Variants in RAB3IL1 observed in about 807,000 individuals in gnomAD.
The protein encoded by RAB3IL1 is RAB3A interacting protein like 1, also known as guanine nucleotide exchange factor for Rab-3A.
RAB3IL1 carries 37 observed loss-of-function variants against 49.2 expected under a neutral mutation model. That is an observed-to-expected ratio of 0.75 (90% CI 0.58 to 0.99). RAB3IL1 has a LOEUF of 0.99. Ranked by LOEUF, RAB3IL1 falls within the 50% of genes least tolerant of loss-of-function variation. The probability of loss-of-function intolerance (pLI) is 0.00; values close to 1 mark genes in which losing one functional copy is unlikely to be tolerated. For synonymous variants in RAB3IL1, 193 were observed against 213.9 expected (o/e 0.90, Z 0.85); for missense variants, 484 against 513.0 (o/e 0.94, Z 0.55).
chr11:61,933,092 A>T, the RAB3IL1 span, among the ~76,000 whole-genome samples: 11 of 152,280 alleles, frequency 7.2e-5, no homozygotes, highest in East Asian at 2.1e-3. Context: ...TTATTGCTGT[A>T]TAATATTCCA....
At chr11:61,911,812 T>C (rs1468824241) in intron 1 of RAB3IL1, among the ~76,000 whole-genome samples, 6 of 152,048 alleles carry the variant, frequency 3.9e-5, no homozygotes, top group African/African-American at 1.4e-4. Flanking sequence ...AGGCAGTTCA[T>C]ACAGGAAAGG....
At chr11:61,916,981 T>C (rs1261043610) in intron 1 of RAB3IL1, among the ~76,000 whole-genome samples, 6 of 138,446 alleles carry the variant, frequency 4.3e-5, no homozygotes, top group Non-Finnish European at 9.4e-5. Context: ...CAAGAGTTCA[T>C]CCAGCGAAGG....
chr11:61,904,800 A>G lies in RAB3IL1; in HGVS notation c.740T>C (p.Val247Ala). 1.2e-6 allele frequency: 2 copies of G among 1,611,228 alleles called. No homozygotes were observed. The highest frequency in any genetic ancestry group is 1.7e-6 in the Non-Finnish European group (2 of 1,179,194). The change falls in exon 6 of 10, where the codon GTG becomes GCG. Residue 247 changes from valine (V) to alanine (A), a missense_variant. By Grantham distance (64) the Val-to-Ala change is moderately conservative (BLOSUM62 0). Coordinates refer to ENST00000394836, the MANE Select transcript of RAB3IL1 (RefSeq NM_013401.4). ...LDKTCPFLER[V>A]YREDVGPCLD... The stretch of plus-strand genomic sequence containing the variant: ...GCAGGGGCCCACGTCCTCTCGGTAC[A>G]CCCTTTCCAGGAAGGGGCAGGTCTT...
At chr11:61,929,822 G>C in the RAB3IL1 span, among the ~76,000 whole-genome samples, 2 of 148,786 alleles carry the variant, frequency 1.3e-5, no homozygotes, top group African/African-American at 4.9e-5. Context: ...CTGACCTTAA[G>C]TGATCTGTCT....
At chr11:61,917,330 C>G in intron 1 of RAB3IL1, 27 bp downstream of exon 1, 1 of 1,320,176 alleles carries the variant, frequency 7.6e-7, no homozygotes, top group South Asian at 2.0e-5. Context: ...AGACCCAGCG[C>G]GGGACCGCGA....
At chr11:61,922,618 C>T (rs1281782403), upstream of RAB3IL1, among the ~76,000 whole-genome samples, 1 of 152,252 alleles carries the variant, frequency 6.6e-6, no homozygotes, top group South Asian at 2.1e-4. Flanking sequence ...TTTCCTGCCC[C>T]GTCCTCCTGC....
intron 2 of RAB3IL1, 83 bp downstream of exon 2, chr11:61,907,971 T>C: frequency 1.3e-6 from 2 of 1,523,950 alleles, no homozygotes; most frequent in Non-Finnish European, 8.8e-7. Context: ...TGGGCACATC[T>C]CTGGGCACCT....
chr11:61,919,722 C>G (rs936185145), upstream of RAB3IL1, among the ~76,000 whole-genome samples: 18 of 152,202 alleles, frequency 1.2e-4, no homozygotes, highest in Non-Finnish European at 1.9e-4. Context: ...CCCTCTATCT[C>G]CCTCTGCCTG....
At chr11:61,919,950 C>T, upstream of RAB3IL1, 1 of 880,558 alleles carries the variant, frequency 1.1e-6, no homozygotes, top group Non-Finnish European at 1.5e-6. Context: ...GAGCCATTGC[C>T]TAGGACTCTC....
chr11:61,907,371 G>C, intron 4 of RAB3IL1, 22 bp downstream of exon 4: 1 of 1,611,292 alleles, frequency 6.2e-7, no homozygotes, highest in Non-Finnish European at 8.5e-7. Flanking sequence ...GGCTGGCCTG[G>C]GCAGGCGGGG....
At chr11:61,925,969 G>A in the RAB3IL1 span, among the ~76,000 whole-genome samples, 1 of 152,064 alleles carries the variant, frequency 6.6e-6, no homozygotes, top group Non-Finnish European at 1.5e-5. Context: ...ATAAAAAATA[G>A]AAGTGAACAC....
the RAB3IL1 span, among the ~76,000 whole-genome samples, chr11:61,930,212 G>A: frequency 6.6e-6 from 1 of 152,010 alleles, no homozygotes; most frequent in Non-Finnish European, 1.5e-5. Flanking sequence ...AGACTTATAA[G>A]GTCTATGAAA....
the RAB3IL1 span, among the ~76,000 whole-genome samples, chr11:61,931,811 G>A: frequency 6.6e-6 from 1 of 152,146 alleles, no homozygotes; most frequent in Admixed American, 6.6e-5. Context: ...AAGCATGATG[G>A]TAGAAATGAA....
At chr11:61,921,280 C>G (rs1791100864), upstream of RAB3IL1, among the ~76,000 whole-genome samples, 1 of 152,194 alleles carries the variant, frequency 6.6e-6, no homozygotes. Context: ...GGCCCGGGGT[C>G]AGACGGGCTG....
upstream of RAB3IL1, among the ~76,000 whole-genome samples, chr11:61,919,230 A>G (rs937032714): frequency 2.6e-5 from 4 of 152,228 alleles, no homozygotes; most frequent in Non-Finnish European, 5.9e-5. Context: ...GCTCAGGGCT[A>G]TGTCCCTGGA....
intron 1 of RAB3IL1, among the ~76,000 whole-genome samples, chr11:61,909,435 G>A (rs990015466): frequency 6.6e-6 from 1 of 152,158 alleles, no homozygotes; most frequent in South Asian, 2.1e-4. Context: ...CACAGAAAAT[G>A]GGCCCCCAGA....
intron 7 of RAB3IL1, among the ~76,000 whole-genome samples, chr11:61,904,265 T>C (rs1939061768): frequency 2.6e-5 from 4 of 152,044 alleles, no homozygotes; most frequent in African/African-American, 2.4e-5. Flanking sequence ...TCGTTATTTA[T>C]TGGCAGGGGC....
At chr11:61,942,563 T>A in the RAB3IL1 span, among the ~76,000 whole-genome samples, 1 of 152,152 alleles carries the variant, frequency 6.6e-6, no homozygotes, top group South Asian at 2.1e-4. Flanking sequence ...CATGAACCAC[T>A]GCACCTGGCA....
chr11:61,910,105 G>A (rs959975247), intron 1 of RAB3IL1, among the ~76,000 whole-genome samples: 5 of 152,214 alleles, frequency 3.3e-5, no homozygotes, highest in African/African-American at 7.2e-5. Context: ...GGCTCACAGA[G>A]TGAAGGGACT....
Sources: gnomAD v4.1 joint callset for allele counts (sites outside exome capture counted in the v4.1 genomes callset) on GRCh38, gnomAD v4.1.1 for gene constraint, MANE v1.5 for transcripts, NCBI Gene and HGNC (gene_info 2026-07-23, HGNC 2026-07-21) for gene names.